TGS1: variants seen among roughly 807,000 people sequenced by gnomAD.
The protein encoded by TGS1 is trimethylguanosine synthase.
Under a neutral mutation model 92.2 loss-of-function variants are expected in TGS1, and 69 were observed. The observed-to-expected ratio is 0.75, with a 90% confidence interval of 0.62 to 0.91. TGS1 has a LOEUF of 0.91. Among genes scored for constraint, TGS1 ranks in the 40% least tolerant of loss-of-function variants. TGS1 has a pLI of 0.00. For missense variants in TGS1, 1,062 were observed against 1,001.2 expected (o/e 1.06, Z -0.82); for synonymous variants, 345 against 338.1 (o/e 1.02, Z -0.22).
At chr8:55,824,457 T>G in intron 12 of TGS1, 124 bp from the exon 13 acceptor site, 1 of 1,224,848 alleles carries the variant, frequency 8.2e-7, no homozygotes, top group South Asian at 1.5e-5. Flanking sequence ...ACATTTGAGA[T>G]GCCTCATTAT....
chr8:55,823,579 G>C (rs113996350), intron 12 of TGS1, among the ~76,000 whole-genome samples: 150 of 152,278 alleles, frequency 9.9e-4, no homozygotes, highest in African/African-American at 3.4e-3. Context: ...ACCAGTGAGA[G>C]AAGGAAAAGT....
At chr8:55,811,417 G>A (rs1320153529) in intron 11 of TGS1, among the ~76,000 whole-genome samples, 2 of 151,898 alleles carry the variant, frequency 1.3e-5, no homozygotes, top group Admixed American at 6.6e-5. Flanking sequence ...ATCTGAGATC[G>A]CGCCACTGCA....
At chr8:55,798,087 G>A (rs1812110845) in intron 7 of TGS1, among the ~76,000 whole-genome samples, 1 of 152,168 alleles carries the variant, frequency 6.6e-6, no homozygotes, top group Admixed American at 6.5e-5. Context: ...ATCTATAGAT[G>A]AGTGCAGAAA....
At position 55,785,641 on chromosome 8, in the gene TGS1, C is replaced by G. The variant is rs13256104; in HGVS notation, c.167-78C>G. On this transcript the variant is annotated intron_variant, in intron 2 of 12. Transcript: ENST00000260129. ...ATTTTGGGCGGGTCACTCTGGATCT[C>G]AGGTTTTTTTAAATGAGAATAAGAA... The G allele has an allele frequency of 3.5e-6, 4 of 1,133,742 alleles. No individual in the cohort carries two copies. The African/African-American group carries it at 6.4e-5, about 18-fold the overall frequency. 70.2% of individuals were successfully genotyped at this position (1,133,742 alleles called of 1,614,324 possible).
intron 3 of TGS1, 26 bp downstream of exon 3, chr8:55,785,917 TTCTC>T (rs765053202): frequency 3.2e-6 from 5 of 1,547,922 alleles, no homozygotes; most frequent in African/African-American, 2.8e-5. Context: ...CTTTTATTAT[TTCTC>T]TCTCTTCGTT....
At position 55,820,898 on chromosome 8, in the gene TGS1, G is replaced by A. The variant is rs149617102; in HGVS notation, c.2440-3683G>A. 1.1e-4 allele frequency among the ~76,000 whole-genome samples: 17 copies of A among 152,210 alleles called. No individual in the cohort carries two copies. In the East Asian group the frequency reaches 2.9e-3, roughly 26 times the overall value. The stretch of plus-strand genomic sequence containing the variant: ...ACAATTTACTAAATTCTAAGAAAGC[G>A]GAGGGAACCAAATAATATTTTGTCA... On this transcript the variant is annotated intron_variant, in intron 12 of 12. Coordinates refer to ENST00000260129, the MANE Select transcript of TGS1 (RefSeq NM_024831.8).
At chr8:55,824,143 A>G (rs563523999) in intron 12 of TGS1, among the ~76,000 whole-genome samples, 1 of 152,174 alleles carries the variant, frequency 6.6e-6, no homozygotes, top group South Asian at 2.1e-4. Flanking sequence ...AATAAATAAC[A>G]TGACTTTGGG....
At chr8:55,812,008 A>G (rs961459288) in intron 11 of TGS1, among the ~76,000 whole-genome samples, 1 of 152,174 alleles carries the variant, frequency 6.6e-6, no homozygotes, top group Admixed American at 6.5e-5. Context: ...CTGAAAAAGT[A>G]TCCCTGGAGT....
Position 55,773,729 on chromosome 8 carries a change from A to G in TGS1, c.101+10A>G. On this transcript the variant is annotated intron_variant, in intron 1 of 12. Transcript: ENST00000260129. The stretch of plus-strand genomic sequence containing the variant: ...CCAGGGCATTTGTGGAGTAAGTAGA[A>G]AAGAGAATCTCTTCATGTTCTAGCA... 2 of 1,597,644 alleles carry G rather than the reference A, an allele frequency of 1.3e-6. No homozygotes were observed. The highest frequency in any genetic ancestry group is 1.1e-5 in the South Asian group (1 of 89,962).
At chr8:55,796,695 A>T (rs1310449794) in intron 7 of TGS1, among the ~76,000 whole-genome samples, 1 of 150,226 alleles carries the variant, frequency 6.7e-6, no homozygotes, top group Non-Finnish European at 1.5e-5. Flanking sequence ...TCTCAAAAAA[A>T]AACACGCAAC....
chr8:55,788,582 AG>A (rs1320453179), intron 4 of TGS1, among the ~76,000 whole-genome samples: 31 of 151,278 alleles, frequency 2.0e-4, no homozygotes, highest in African/African-American at 6.3e-4. Flanking sequence ...CAGCCTCCCG[AG>A]TAGCTGGGAC....
intron 1 of TGS1, among the ~76,000 whole-genome samples, chr8:55,775,247 A>G (rs1811359595): frequency 2.3e-5 from 1 of 44,034 alleles, no homozygotes; most frequent in Non-Finnish European, 5.4e-5. Context: ...CCCGAAAAAA[A>G]AAAAGAAAAG....
At position 55,777,351 on chromosome 8, in the gene TGS1, G is replaced by A. The variant is rs55641573; in HGVS notation, c.101+3632G>A. ...ATGTAGCAAGATCTTCCCACCCTTC[G>A]TATCTGATCGCTCTGGCCTGCCCTC... On this transcript the variant is annotated intron_variant, in intron 1 of 12. Transcript: ENST00000260129. Among the ~76,000 whole-genome samples the A allele has an allele frequency of 5.7e-3, 841 of 148,504 alleles. 2 individuals are homozygous for A. Among genetic ancestry groups the A allele is most frequent in the Non-Finnish European group, 9.1e-3 (610 of 67,364 alleles).
Position 55,802,556 on chromosome 8 carries a change from A to G in TGS1, c.1949A>G (p.Gln650Arg), listed in dbSNP as rs756342592. The G allele has an allele frequency of 3.1e-6, 5 of 1,614,160 alleles. No homozygotes were observed. The highest frequency in any genetic ancestry group is 1.3e-5 in the African/African-American group (1 of 75,050). The part of the protein sequence containing the change: ...AVPELAKYWA[Q>R]RYRLFSRFDD... ...CCTGAGCTGGCAAAATACTGGGCCC[A>G]GAGGTACAGGCTCTTCTCCCGTTTT... Residue 650 changes from glutamine (Q) to arginine (R), a missense_variant, in exon 9 of 13, where the codon CAG (glutamine) becomes CGG (arginine). By Grantham distance (43) the Gln-to-Arg change is conservative (BLOSUM62 1). Coordinates refer to ENST00000260129, the MANE Select transcript of TGS1 (RefSeq NM_024831.8).
chr8:55,777,945 G>A (rs767600416), intron 1 of TGS1, among the ~76,000 whole-genome samples: 1 of 151,434 alleles, frequency 6.6e-6, no homozygotes, highest in African/African-American at 2.4e-5. Flanking sequence ...GCCCCCTGAG[G>A]TATGTCTTGT....
chr8:55,790,269 CT>C lies in TGS1; in HGVS notation c.1251del (p.Glu418SerfsTer7). 4.3e-6 allele frequency: 7 copies of C among 1,613,960 alleles called. No homozygotes were observed. The highest frequency in any genetic ancestry group is 5.9e-6 in the Non-Finnish European group (7 of 1,179,870). On this transcript the variant is annotated frameshift_variant, in exon 5 of 13. Coordinates refer to ENST00000260129, the MANE Select transcript of TGS1 (RefSeq NM_024831.8). LOFTEE classifies it high-confidence loss of function. ...GGAGATGAAAGTGAGGAAGACCCAC[CT>C]GAGCATAAGCCAAGCAAACTGAAGA... ...TDGDESEEDP[P>X]EHKPSKLKRS... is the part of the protein sequence containing the mutation.
At chr8:55,803,831 A>T (rs1585779912) in intron 9 of TGS1, among the ~76,000 whole-genome samples, 1 of 151,962 alleles carries the variant, frequency 6.6e-6, no homozygotes, top group Admixed American at 6.6e-5. Flanking sequence ...AGCTGGGATT[A>T]CAAGCAAGCA....
At chr8:55,812,046 A>T (rs1282288670) in intron 11 of TGS1, among the ~76,000 whole-genome samples, 1 of 152,098 alleles carries the variant, frequency 6.6e-6, no homozygotes, top group Non-Finnish European at 1.5e-5. Context: ...GTAACTCTTC[A>T]ATTCACACTG....
In TGS1 at chr8:55,799,079, C is replaced by T. The variant is rs1256315257; in HGVS notation, c.1708C>T (p.Pro570Ser). The T allele has an allele frequency of 1.2e-6, 2 of 1,613,996 alleles. No individual in the cohort carries two copies. The highest frequency in any genetic ancestry group is 1.3e-5 in the African/African-American group (1 of 74,914). The change falls in exon 8 of 13, where the codon CCT becomes TCT. Residue 570 changes from proline (P) to serine (S), a missense_variant. Transcript: ENST00000260129. ...DDLLETNNPE[P>S]EKCQSVSSAG... ...CCTACTGGAGACTAATAATCCAGAA[C>T]CTGAAAAGTGTCAGAGCGTATCTTC...
Sources: gnomAD v4.1 joint callset for allele counts (sites outside exome capture counted in the v4.1 genomes callset) on GRCh38, gnomAD v4.1.1 for gene constraint, MANE v1.5 for transcripts, NCBI Gene and HGNC (gene_info 2026-07-23, HGNC 2026-07-21) for gene names.